RAD51B: variants seen among roughly 807,000 people sequenced by gnomAD.
RAD51B encodes the protein DNA repair protein RAD51 homolog 2.
A neutral mutation model predicts 42.2 loss-of-function variants in RAD51B; 38 were observed. The observed-to-expected ratio is 0.90, with a 90% confidence interval of 0.70 to 1.18. The LOEUF is 1.18. Among genes scored for constraint, RAD51B ranks in the 50% most tolerant of loss-of-function variants. The probability of loss-of-function intolerance (pLI) is 0.00; values close to 1 mark genes in which losing one functional copy is unlikely to be tolerated. For missense variants in RAD51B, 373 were observed against 400.7 expected, an observed-to-expected ratio of 0.93 and a Z score of 0.59; for synonymous variants, 154 against 145.2, an observed-to-expected ratio of 1.06 and a Z score of -0.43.
At position 68,203,179 on chromosome 14, in the gene RAD51B, A is replaced by C. The variant is rs374490390; in HGVS notation, c.757-88705A>C. ...TATTTTGTGAAGATCCATCAGGGGA[A>C]TCACTATCTGTGGCAGCTATAACCT... On this transcript the variant is annotated intron_variant, in intron 7 of 10. Transcript: ENST00000471583. Among the ~76,000 whole-genome samples, 9 of 152,342 alleles carry C rather than the reference A, an allele frequency of 5.9e-5. 1 individual carries two copies. Among genetic ancestry groups the C allele is most frequent in the African/African-American group, 2.2e-4 (9 of 41,574 alleles).
intron 10 of RAD51B, among the ~76,000 whole-genome samples, chr14:68,544,010 G>T (rs1279245193): frequency 6.6e-6 from 1 of 152,192 alleles, no homozygotes; most frequent in Non-Finnish European, 1.5e-5. Flanking sequence ...ATGTGTATCA[G>T]AATTTCAATG....
At position 68,594,498 on chromosome 14, in the gene RAD51B, C is replaced by G. The variant is rs368516023; in HGVS notation, c.1050C>G (p.Cys350Trp). The stretch of plus-strand genomic sequence containing the variant: ...TCTCTCTCTTAGAGACAACATTTTG[C>G]TCTGTCACCCAAGCTGAACTGAACT... The change falls in exon 11 of 11, where the codon TGC becomes TGG. Residue 350 changes from cysteine to tryptophan, a missense_variant. Physicochemically the swap from Cys to Trp is radical, Grantham distance 215. Transcript: ENST00000487270. The G allele has an allele frequency of 1.5e-4, 210 of 1,367,898 alleles. No individual in the cohort carries two copies. The African/African-American group carries it at 2.9e-3, about 19-fold the overall frequency. 84.7% of individuals were successfully genotyped at this position (1,367,898 alleles called of 1,614,324 possible).
chr14:67,865,233 C>T (rs2139991758), intron 5 of RAD51B, 94 bp downstream of exon 5: 1 of 1,200,808 alleles, frequency 8.3e-7, no homozygotes, highest in Non-Finnish European at 1.1e-6. Context: ...ACCACCCCTC[C>T]CCCTTGCCTT....
At chr14:68,146,607 C>T (rs1166742699) in intron 7 of RAD51B, among the ~76,000 whole-genome samples, 1 of 152,114 alleles carries the variant, frequency 6.6e-6, no homozygotes, top group Non-Finnish European at 1.5e-5. Context: ...TATTAGAGGA[C>T]CCTGGCTTAG....
chr14:67,859,186 T>C (rs2042087013), intron 4 of RAD51B, among the ~76,000 whole-genome samples: 1 of 152,234 alleles, frequency 6.6e-6, no homozygotes, highest in African/African-American at 2.4e-5. Context: ...GGCCCCTTGC[T>C]TGTTATTTTC....
intron 7 of RAD51B, among the ~76,000 whole-genome samples, chr14:68,079,649 A>T (rs2076884054): frequency 6.6e-6 from 1 of 152,234 alleles, no homozygotes; most frequent in South Asian, 2.1e-4. Flanking sequence ...TTACTACTGC[A>T]TCCAGTGTTA....
intron 7 of RAD51B, among the ~76,000 whole-genome samples, chr14:67,955,431 A>T (rs1259577173): frequency 6.6e-6 from 1 of 152,158 alleles, no homozygotes; most frequent in Non-Finnish European, 1.5e-5. Flanking sequence ...TGTAGTTTGG[A>T]ATTTTGTCAA....
At chr14:67,864,773 C>A (rs1268533076) in intron 4 of RAD51B, 2 of 698,924 alleles carry the variant, frequency 2.9e-6, no homozygotes, top group Non-Finnish European at 4.9e-6. Context: ...TGACTATTTT[C>A]TCAATTCCTC....
intron 3 of RAD51B, among the ~76,000 whole-genome samples, chr14:67,831,959 C>A (rs1228023159): frequency 5.3e-5 from 8 of 152,060 alleles, no homozygotes; most frequent in Non-Finnish European, 1.0e-4. Flanking sequence ...GAGAAAGTAT[C>A]CCCACATGCA....
At chr14:68,579,911 A>G (rs1890134961) in intron 10 of RAD51B, among the ~76,000 whole-genome samples, 1 of 152,226 alleles carries the variant, frequency 6.6e-6, no homozygotes, top group Non-Finnish European at 1.5e-5. Context: ...CCACGTCTCC[A>G]GCCCAGGCCC....
intron 7 of RAD51B, among the ~76,000 whole-genome samples, chr14:68,046,008 G>T (rs8006492): frequency 9.9e-5 from 15 of 152,102 alleles, no homozygotes; most frequent in African/African-American, 3.1e-4. Flanking sequence ...CTGCTGCCAC[G>T]GCCCTGGCTC....
chr14:68,202,874 G>A (rs1303755148), intron 7 of RAD51B, among the ~76,000 whole-genome samples: 3 of 152,018 alleles, frequency 2.0e-5, no homozygotes, highest in Admixed American at 6.5e-5. Context: ...GAGCCACTGC[G>A]CCCAGGCATG....
chr14:68,270,769 A>G (rs2081089304), intron 7 of RAD51B, among the ~76,000 whole-genome samples: 1 of 151,620 alleles, frequency 6.6e-6, no homozygotes, highest in South Asian at 2.1e-4. Flanking sequence ...ACAGCTACCA[A>G]CCTTACCATT....
chr14:68,099,943 G>T (rs2140546598), intron 7 of RAD51B, among the ~76,000 whole-genome samples: 1 of 152,298 alleles, frequency 6.6e-6, no homozygotes. Flanking sequence ...GGCTTCTCCA[G>T]GCACCTTTGA....
At chr14:68,217,768 G>A (rs537853054) in intron 7 of RAD51B, among the ~76,000 whole-genome samples, 123 of 152,258 alleles carry the variant, frequency 8.1e-4, no homozygotes, top group African/African-American at 2.9e-3. Context: ...GCAGAGAGTC[G>A]GGCACTCATA....
At chr14:67,990,385 T>C (rs1566560913) in intron 7 of RAD51B, among the ~76,000 whole-genome samples, 1 of 152,204 alleles carries the variant, frequency 6.6e-6, no homozygotes, top group Non-Finnish European at 1.5e-5. Context: ...AAGTGGCTAA[T>C]TATACATTAT....
At chr14:68,651,034 C>T (rs4902625) in intron 11 of RAD51B, among the ~76,000 whole-genome samples, 137,557 of 152,278 alleles carry the variant, frequency 0.9, 62,352 homozygotes, top group African/African-American at 0.98. Context: ...AGTACAGTAA[C>T]TGAAGTTTCT....
intron 10 of RAD51B, among the ~76,000 whole-genome samples, chr14:68,527,983 T>C (rs1047172824): frequency 6.6e-6 from 1 of 152,268 alleles, no homozygotes; most frequent in Non-Finnish European, 1.5e-5. Flanking sequence ...TTTTTTATAC[T>C]GAAAAACTTT....
chr14:68,675,234 T>C (rs939021476), intron 11 of RAD51B, among the ~76,000 whole-genome samples: 2 of 151,792 alleles, frequency 1.3e-5, no homozygotes, highest in Non-Finnish European at 2.9e-5. Context: ...ACACAGGGAG[T>C]TGGGGAGGGG....
Sources: allele counts gnomAD v4.1 joint callset (sites outside exome capture counted in the v4.1 genomes callset), GRCh38; gene constraint gnomAD v4.1.1; transcripts MANE v1.5; gene names NCBI Gene and HGNC (gene_info 2026-07-23, HGNC 2026-07-21).